The following NREP variants were observed in gnomAD, a reference collection of about 807,000 sequenced individuals.
The protein encoded by NREP is neuronal regeneration-related protein.
In NREP, 5 loss-of-function variants were observed where a neutral mutation model predicts 8.6. The ratio of observed to expected loss-of-function variants is 0.58; its 90% CI spans 0.30 to 1.22. The LOEUF is 1.22. NREP is among the 50% of genes most tolerant of loss of function. The probability of loss-of-function intolerance (pLI) is 0.07; values close to 1 mark genes in which losing one functional copy is unlikely to be tolerated. For missense variants in NREP, 86 were observed against 82.5 expected, an observed-to-expected ratio of 1.04 and a Z score of -0.17; for synonymous variants, 27 against 28.0, an observed-to-expected ratio of 0.96 and a Z score of 0.11.
chr5:111,975,292 C>T (rs1432071694), exon 2 of NREP: 3 of 1,551,212 alleles, frequency 1.9e-6, no homozygotes, highest in Non-Finnish European at 2.6e-6. Context: ...GAACAGAAAT[C>T]TGGCAGTGAA....
intron 2 of NREP, among the ~76,000 whole-genome samples, chr5:111,967,163 C>T (rs973952996): frequency 1.3e-5 from 2 of 152,154 alleles, no homozygotes; most frequent in African/African-American, 2.4e-5. Context: ...CCCAATACTC[C>T]AACAGTGCTA....
At chr5:111,883,667 A>T (rs1020771624) in intron 2 of NREP, among the ~76,000 whole-genome samples, 2 of 152,178 alleles carry the variant, frequency 1.3e-5, no homozygotes, top group African/African-American at 2.4e-5. Context: ...GGATTAAGAC[A>T]CTCACTCAAA....
At chr5:111,930,500 G>A (rs183356923) in intron 2 of NREP, among the ~76,000 whole-genome samples, 2 of 152,098 alleles carry the variant, frequency 1.3e-5, no homozygotes, top group African/African-American at 4.8e-5. Context: ...TGAGTTTTAT[G>A]TCAAGAGCTG....
chr5:111,844,485 C>T (rs1278862784), intron 2 of NREP, among the ~76,000 whole-genome samples: 1 of 151,220 alleles, frequency 6.6e-6, no homozygotes, highest in African/African-American at 2.4e-5. Context: ...TTCTTTATCT[C>T]ATTTGTTCTA....
At chr5:111,972,055 C>T (rs904101907) in intron 2 of NREP, among the ~76,000 whole-genome samples, 1 of 151,756 alleles carries the variant, frequency 6.6e-6, no homozygotes, top group African/African-American at 2.4e-5. Context: ...AACAAATAAC[C>T]CTATTTAAAA....
At chr5:111,899,350 C>G (rs1241624875) in intron 2 of NREP, among the ~76,000 whole-genome samples, 1 of 152,016 alleles carries the variant, frequency 6.6e-6, no homozygotes, top group Non-Finnish European at 1.5e-5. Context: ...CCCATCTCTA[C>G]AGAACATTTA....
intron 2 of NREP, among the ~76,000 whole-genome samples, chr5:111,895,613 T>C (rs1489559385): frequency 6.6e-6 from 1 of 152,100 alleles, no homozygotes; most frequent in African/African-American, 2.4e-5. Flanking sequence ...GGTTAATACC[T>C]TAACTTGGGT....
intron 2 of NREP, among the ~76,000 whole-genome samples, chr5:111,821,509 A>G (rs1752513844): frequency 2.0e-5 from 3 of 152,346 alleles, no homozygotes; most frequent in Non-Finnish European, 4.4e-5. Flanking sequence ...TTGGGGACAC[A>G]ATTATATTTC....
At chr5:111,880,808 C>T (rs1754037247) in intron 2 of NREP, among the ~76,000 whole-genome samples, 1 of 141,744 alleles carries the variant, frequency 7.1e-6, no homozygotes, top group Admixed American at 7.5e-5. Context: ...GTGATCATGG[C>T]TCATTGCAGC....
chr5:111,911,205 C>A (rs919615761), intron 2 of NREP, among the ~76,000 whole-genome samples: 1 of 152,116 alleles, frequency 6.6e-6, no homozygotes. Flanking sequence ...GATATCACCC[C>A]TGTACCCAAT....
chr5:111,971,325 T>C (rs1756812097), intron 2 of NREP, among the ~76,000 whole-genome samples: 1 of 152,184 alleles, frequency 6.6e-6, no homozygotes, highest in Admixed American at 6.5e-5. Context: ...CACATTTTTT[T>C]CACAGAAATA....
chr5:111,792,656 A>G (rs1337495351), intron 2 of NREP, among the ~76,000 whole-genome samples: 2 of 152,242 alleles, frequency 1.3e-5, no homozygotes, highest in Non-Finnish European at 2.9e-5. Flanking sequence ...AAATGGCTAG[A>G]TGCGACAGAA....
chr5:111,836,146 C>A (rs987974756), intron 2 of NREP, among the ~76,000 whole-genome samples: 6 of 152,092 alleles, frequency 3.9e-5, no homozygotes, highest in African/African-American at 1.4e-4. Flanking sequence ...ATTCTCCTTT[C>A]AAAGAGTTTG....
chr5:111,778,332 G>A (rs1751412158), intron 2 of NREP, among the ~76,000 whole-genome samples: 2 of 152,150 alleles, frequency 1.3e-5, no homozygotes, highest in Admixed American at 6.6e-5. Flanking sequence ...GCATCATAGT[G>A]TTAAATGTCC....
chr5:111,843,184 G>A (rs1269278978), intron 2 of NREP, among the ~76,000 whole-genome samples: 1 of 151,686 alleles, frequency 6.6e-6, no homozygotes, highest in Non-Finnish European at 1.5e-5. Context: ...CACATATATT[G>A]GTTTTGTTGA....
chr5:111,955,502 A>C (rs1581249027), intron 2 of NREP, among the ~76,000 whole-genome samples: 1 of 49,244 alleles, frequency 2.0e-5, no homozygotes, highest in Non-Finnish European at 6.9e-5. Flanking sequence ...AAAACAAAAA[A>C]AAAAAACACA....
At chr5:111,927,848 G>A (rs78180944) in intron 2 of NREP, among the ~76,000 whole-genome samples, 3 of 152,098 alleles carry the variant, frequency 2.0e-5, no homozygotes, top group Admixed American at 6.5e-5. Flanking sequence ...ACTGTAACTT[G>A]TGTTTCTTTT....
chr5:111,826,384 T>G (rs890044555), intron 2 of NREP, among the ~76,000 whole-genome samples: 1 of 152,206 alleles, frequency 6.6e-6, no homozygotes, highest in African/African-American at 2.4e-5. Flanking sequence ...TTTGTTGTTT[T>G]GCTTTTGGCA....
chr5:111,865,216 A>C (rs1260635133), intron 2 of NREP, among the ~76,000 whole-genome samples: 1 of 152,104 alleles, frequency 6.6e-6, no homozygotes, highest in Non-Finnish European at 1.5e-5. Context: ...CAATGTGGAC[A>C]ACAAAAGCCC....
Sources: gnomAD v4.1 joint callset for allele counts (sites outside exome capture counted in the v4.1 genomes callset) on GRCh38, gnomAD v4.1.1 for gene constraint, MANE v1.5 for transcripts, NCBI Gene and HGNC (gene_info 2026-07-23, HGNC 2026-07-21) for gene names.